The following RIMS1 variants were observed in gnomAD, a reference collection of about 807,000 sequenced individuals.
RIMS1 encodes regulating synaptic membrane exocytosis protein 1.
Under a neutral mutation model 214.1 loss-of-function variants are expected in RIMS1, and 83 were observed. The ratio of observed to expected loss-of-function variants is 0.39; its 90% CI spans 0.32 to 0.47. RIMS1 has a LOEUF of 0.47. RIMS1 is among the 20% of genes least tolerant of loss of function. RIMS1 has a pLI of 0.99. For synonymous variants in RIMS1, 793 were observed against 786.8 expected, an observed-to-expected ratio of 1.01 and a Z score of -0.13; for missense variants, 2,050 against 2,161.8, an observed-to-expected ratio of 0.95 and a Z score of 1.03.
chr6:72,316,853 G>C (rs545947471), intron 28 of RIMS1: 1 of 1,011,988 alleles, frequency 9.9e-7, no homozygotes, highest in South Asian at 1.3e-5. Flanking sequence ...AGATAGGCAA[G>C]TAGGAGGTGG....
At chr6:71,955,355 C>T (rs760475081) in intron 1 of RIMS1, among the ~76,000 whole-genome samples, 23 of 151,948 alleles carry the variant, frequency 1.5e-4, no homozygotes, top group Admixed American at 8.5e-4. Context: ...TTAGTAGAAA[C>T]GGGGTTTCAC....
intron 8 of RIMS1, among the ~76,000 whole-genome samples, chr6:72,236,804 A>G (rs1455259572): frequency 6.7e-6 from 1 of 149,950 alleles, no homozygotes; most frequent in Non-Finnish European, 1.5e-5. Context: ...AAAAAAAAGC[A>G]ATGTTTTAAG....
At chr6:72,209,538 G>A (rs925247477) in intron 6 of RIMS1, among the ~76,000 whole-genome samples, 13 of 152,152 alleles carry the variant, frequency 8.5e-5, no homozygotes, top group Non-Finnish European at 1.5e-4. Context: ...GTTTTTAGCT[G>A]TATGCAATCG....
rs989114180 is a variant in RIMS1, at chr6:72,373,520, A to C, written c.4367-17078A>C. Among the ~76,000 whole-genome samples the C allele has an allele frequency of 2.0e-5, 3 of 152,330 alleles. No homozygotes were observed. The South Asian group carries it at 6.2e-4, about 32-fold the overall frequency. On this transcript the variant is annotated intron_variant, in intron 29 of 33. Coordinates refer to ENST00000521978, the MANE Select transcript of RIMS1 (RefSeq NM_014989.7). ...TCAGGATTGTCATTGTTTATAGTCA[A>C]TTTAGGACAATGCCTTGAGAGTAAT...
chr6:72,217,604 A>G (rs578152491), intron 6 of RIMS1, among the ~76,000 whole-genome samples: 1 of 152,348 alleles, frequency 6.6e-6, no homozygotes, highest in African/African-American at 2.4e-5. Flanking sequence ...TTTCACTAAA[A>G]TTAGAAAATG....
At chr6:72,289,310 C>G (rs1286329822) in intron 24 of RIMS1, among the ~76,000 whole-genome samples, 2 of 152,096 alleles carry the variant, frequency 1.3e-5, no homozygotes, top group African/African-American at 4.8e-5. Context: ...AGATAAAACT[C>G]TCATCACTGG....
intron 2 of RIMS1, among the ~76,000 whole-genome samples, chr6:71,992,627 TTCC>T (rs1452542172): frequency 3.9e-4 from 55 of 139,476 alleles, no homozygotes; most frequent in Non-Finnish European, 6.7e-4. Flanking sequence ...CTTCTTCTTC[TTCC>T]TCTTCTTCCT....
At chr6:72,036,588 A>C (rs141017742) in intron 2 of RIMS1, among the ~76,000 whole-genome samples, 29 of 152,296 alleles carry the variant, frequency 1.9e-4, no homozygotes, top group African/African-American at 6.7e-4. Flanking sequence ...AAATCTAATA[A>C]AATATTGGAA....
intron 4 of RIMS1, among the ~76,000 whole-genome samples, chr6:72,139,752 C>A (rs529602229): frequency 2.6e-5 from 4 of 152,132 alleles, no homozygotes; most frequent in Admixed American, 2.0e-4. Context: ...ATACATTTCC[C>A]TAATGTGTAC....
rs150554578 is a variant in RIMS1, at chr6:72,223,905, G to A, written c.1679-9868G>A. On this transcript the variant is annotated intron_variant, in intron 6 of 33. Transcript: ENST00000521978. ...GGAGTTTGCAGTGAGCCGAGATCGC[G>A]CCACTGCACTCCAGCCTGGGTGACA... Among the ~76,000 whole-genome samples the A allele has an allele frequency of 2.4e-3, 327 of 133,954 alleles. 1 individual carries two copies. The highest frequency in any genetic ancestry group is 2.1e-3 in the South Asian group (9 of 4,202). The allele number at this position is 133,954 out of a possible 152,430, so 87.9% of individuals were successfully genotyped here.
intron 4 of RIMS1, among the ~76,000 whole-genome samples, chr6:72,102,421 A>T (rs76981285): frequency 0.07 from 10,662 of 152,102 alleles, 427 homozygotes; most frequent in Non-Finnish European, 0.093. Context: ...AAAGCTGCAC[A>T]TACCTACCTT....
intron 1 of RIMS1, among the ~76,000 whole-genome samples, chr6:71,936,804 C>A (rs753383091): frequency 1.3e-5 from 2 of 152,168 alleles, no homozygotes; most frequent in African/African-American, 2.4e-5. Flanking sequence ...CTCTGTAAAG[C>A]CCACTTTTGC....
At chr6:72,197,810 A>G (rs534389417) in intron 6 of RIMS1, among the ~76,000 whole-genome samples, 15 of 152,238 alleles carry the variant, frequency 9.9e-5, no homozygotes, top group African/African-American at 3.6e-4. Flanking sequence ...GAGGAAGCCC[A>G]TACAGCCATG....
chr6:72,112,234 C>G (rs1279354380), intron 4 of RIMS1, among the ~76,000 whole-genome samples: 1 of 152,140 alleles, frequency 6.6e-6, no homozygotes, highest in African/African-American at 2.4e-5. Flanking sequence ...CTTACCACCT[C>G]CACTTTCGCC....
chr6:72,079,936 T>G (rs1280204535), intron 2 of RIMS1, among the ~76,000 whole-genome samples: 1 of 146,584 alleles, frequency 6.8e-6, no homozygotes, highest in Non-Finnish European at 1.5e-5. Context: ...TGACAATCGT[T>G]TTTTTAAAAA....
At chr6:72,232,955 A>G (rs2062580446) in intron 6 of RIMS1, among the ~76,000 whole-genome samples, 1 of 151,812 alleles carries the variant, frequency 6.6e-6, no homozygotes, top group Non-Finnish European at 1.5e-5. Context: ...TTCAAGATCT[A>G]TGCAGAGAAA....
At position 71,931,326 on chromosome 6, in the gene RIMS1, G is replaced by A. The variant is rs187158892; in HGVS notation, c.165-37657G>A. On this transcript the variant is annotated intron_variant, in intron 1 of 33. Transcript: ENST00000521978. ...CTGACAGTAATATAAGATTTGACCC[G>A]AAGAAACACAATCTTATTTTCAGTG... Among the ~76,000 whole-genome samples, 680 of 152,038 alleles carry A rather than the reference G, an allele frequency of 4.5e-3. 1 individual carries two copies. The highest frequency in any genetic ancestry group is 7.0e-3 in the Non-Finnish European group (477 of 67,874).
intron 2 of RIMS1, among the ~76,000 whole-genome samples, chr6:72,051,713 G>A (rs1418787960): frequency 1.3e-5 from 2 of 152,132 alleles, no homozygotes; most frequent in African/African-American, 4.8e-5. Flanking sequence ...CCCAGAGATG[G>A]TAAGATCCTA....
At position 72,093,302 on chromosome 6, in the gene RIMS1, TTAAC is replaced by T. The variant is rs142260492; in HGVS notation, c.246-3644_246-3641del. Among the ~76,000 whole-genome samples the T allele has an allele frequency of 6.0e-3, 889 of 148,704 alleles. 6 individuals are homozygous for T. The highest frequency in any genetic ancestry group is 0.01 in the Non-Finnish European group (691 of 66,838). ...CACACACAAAGAGAACTCAATAAGA[TTAAC>T]TAGTAAGTTTAATCTACTGGATAGA... is the stretch of plus-strand genomic sequence containing the variant. On this transcript the variant is annotated intron_variant, in intron 2 of 33. Coordinates refer to ENST00000521978, the MANE Select transcript of RIMS1 (RefSeq NM_014989.7).
Sources: gnomAD v4.1 joint callset for allele counts (sites outside exome capture counted in the v4.1 genomes callset) on GRCh38, gnomAD v4.1.1 for gene constraint, MANE v1.5 for transcripts, NCBI Gene and HGNC (gene_info 2026-07-23, HGNC 2026-07-21) for gene names.